The following DLG2 variants were observed in gnomAD, a reference collection of about 807,000 sequenced individuals.
DLG2 encodes disks large homolog 2.
In DLG2, 45 loss-of-function variants were observed where a neutral mutation model predicts 132.5. The observed-to-expected ratio is 0.34, with a 90% CI of 0.27 to 0.44. The LOEUF (loss-of-function observed/expected upper bound fraction) is 0.44. DLG2 is among the 20% of genes least tolerant of loss of function. The pLI, the probability that DLG2 is intolerant of heterozygous loss-of-function variation, is 1.00. For synonymous variants in DLG2, 424 were observed against 419.6 expected, an observed-to-expected ratio of 1.01 and a Z score of -0.13; for missense variants, 1,045 against 1,196.9, an observed-to-expected ratio of 0.87 and a Z score of 1.87.
chr11:85,623,602 A>G (rs2153277070), intron 2 of DLG2, among the ~76,000 whole-genome samples: 1 of 152,182 alleles, frequency 6.6e-6, no homozygotes, highest in East Asian at 1.9e-4. Flanking sequence ...CGCGCCTGGC[A>G]ATAGGACAAT....
At chr11:84,371,096 A>G (rs796936736) in intron 7 of DLG2, among the ~76,000 whole-genome samples, 1 of 152,096 alleles carries the variant, frequency 6.6e-6, no homozygotes, top group Non-Finnish European at 1.5e-5. Flanking sequence ...GATGTGAATA[A>G]TGTTTCTACT....
chr11:85,365,164 G>A (rs375007197), intron 3 of DLG2, among the ~76,000 whole-genome samples: 4 of 152,164 alleles, frequency 2.6e-5, no homozygotes, highest in East Asian at 3.9e-4. Context: ...AACCTAGGAC[G>A]GCATCCCACC....
Position 84,892,602 on chromosome 11 carries a change from T to C in DLG2, c.357+219059A>G, listed in dbSNP as rs577108190. Reference sequence around the variant, plus strand: ...TGTGTTGACATGTGTTTAAATATATTTTATAATAAAAATAACACTGGTGGA... The same window carrying C: ...TGTGTTGACATGTGTTTAAATATATCTTATAATAAAAATAACACTGGTGGA... On this transcript the variant is annotated intron_variant, in intron 6 of 27. Transcript: ENST00000376104. Among the ~76,000 whole-genome samples, 14 of 152,228 alleles carry C rather than the reference T, an allele frequency of 9.2e-5. No individual in the cohort carries two copies. The East Asian group carries it at 2.5e-3, about 27-fold the overall frequency.
At chr11:83,658,458 C>T (rs2073339576) in intron 18 of DLG2, among the ~76,000 whole-genome samples, 1 of 152,212 alleles carries the variant, frequency 6.6e-6, no homozygotes, top group African/African-American at 2.4e-5. Flanking sequence ...CTCTGCTTCA[C>T]AGAATGACAA....
intron 15 of DLG2, among the ~76,000 whole-genome samples, chr11:83,914,244 G>T (rs1049045226): frequency 6.6e-6 from 1 of 152,064 alleles, no homozygotes; most frequent in Non-Finnish European, 1.5e-5. Flanking sequence ...AGATCTGGCT[G>T]TAAAAAACAA....
chr11:83,514,093 G>A lies in DLG2; in HGVS notation c.2193+18615C>T, dbSNP rs540161160. 2.3e-3 allele frequency among the ~76,000 whole-genome samples: 344 copies of A among 152,192 alleles called. 2 individuals carry two copies. Among genetic ancestry groups the A allele is most frequent in the African/African-American group, 7.6e-3 (315 of 41,530 alleles). On this transcript the variant is annotated intron_variant, in intron 21 of 27. Transcript: ENST00000376104. ...AGTCATTGGTAGCTTGATGGGGATG[G>A]CATTGAATCTATAAATTACCTTGGG...
At chr11:83,492,079 T>G (rs1215129174) in intron 21 of DLG2, among the ~76,000 whole-genome samples, 18 of 152,064 alleles carry the variant, frequency 1.2e-4, no homozygotes. Context: ...AAAGATCAGA[T>G]GGCCTGCAAA....
intron 3 of DLG2, among the ~76,000 whole-genome samples, chr11:85,321,724 A>T (rs1443773386): frequency 6.6e-6 from 1 of 152,094 alleles, no homozygotes; most frequent in African/African-American, 2.4e-5. Flanking sequence ...GAAAGGATCA[A>T]CTGTGACAAA....
At chr11:84,437,913 G>A (rs2099005845) in intron 7 of DLG2, 1 of 152,408 alleles carries the variant, frequency 6.6e-6, no homozygotes, top group East Asian at 1.9e-4. Flanking sequence ...TTGACAGTAC[G>A]TGCTGGCGGC....
chr11:84,441,210 G>A (rs1444209507), intron 7 of DLG2, among the ~76,000 whole-genome samples: 2 of 151,726 alleles, frequency 1.3e-5, no homozygotes, highest in South Asian at 2.1e-4. Context: ...GCAGTGTTAC[G>A]ATCATAGCTC....
intron 6 of DLG2, among the ~76,000 whole-genome samples, chr11:84,976,706 A>G (rs1185293817): frequency 6.6e-6 from 1 of 152,146 alleles, no homozygotes; most frequent in Non-Finnish European, 1.5e-5. Flanking sequence ...TGACAAATTT[A>G]TTGAGCTACT....
intron 3 of DLG2, among the ~76,000 whole-genome samples, chr11:85,346,855 T>C (rs991367365): frequency 7.9e-5 from 12 of 151,912 alleles, no homozygotes; most frequent in Non-Finnish European, 1.5e-5. Flanking sequence ...AGGCGGGAAG[T>C]AGTCAATGAA....
chr11:85,052,779 A>G (rs2063027084), intron 6 of DLG2, among the ~76,000 whole-genome samples: 1 of 152,162 alleles, frequency 6.6e-6, no homozygotes, highest in Non-Finnish European at 1.5e-5. Context: ...AAGGTCTAAG[A>G]ATCACAACAT....
chr11:84,337,918 C>A (rs1349010723), intron 7 of DLG2, among the ~76,000 whole-genome samples: 1 of 152,034 alleles, frequency 6.6e-6, no homozygotes, highest in South Asian at 2.1e-4. Context: ...TGAGAGCTGG[C>A]AATTTAACAA....
At chr11:85,122,963 ATATATATTTTTT>A (rs2074554481) in intron 5 of DLG2, among the ~76,000 whole-genome samples, 2 of 55,968 alleles carry the variant, frequency 3.6e-5, no homozygotes, top group African/African-American at 1.3e-4. Flanking sequence ...ATATATATAT[ATATATATTTTTT>A]TTTTTTTTTT....
At chr11:85,018,754 T>C (rs905286811) in intron 6 of DLG2, among the ~76,000 whole-genome samples, 2 of 151,650 alleles carry the variant, frequency 1.3e-5, no homozygotes, top group African/African-American at 4.8e-5. Context: ...GTAATAAACG[T>C]GAATGAAAAA....
intron 7 of DLG2, among the ~76,000 whole-genome samples, chr11:84,500,940 T>G (rs1216387224): frequency 6.6e-6 from 1 of 152,228 alleles, no homozygotes; most frequent in Non-Finnish European, 1.5e-5. Context: ...TCAAGGACCC[T>G]ACAATAATTC....
At chr11:85,097,562 A>G (rs543149532) in intron 6 of DLG2, among the ~76,000 whole-genome samples, 6 of 152,362 alleles carry the variant, frequency 3.9e-5, no homozygotes, top group African/African-American at 1.4e-4. Flanking sequence ...CAAAGGTTGC[A>G]ATGAAAAACT....
intron 8 of DLG2, among the ~76,000 whole-genome samples, chr11:84,204,718 A>G (rs1182461179): frequency 6.6e-6 from 1 of 152,110 alleles, no homozygotes; most frequent in Non-Finnish European, 1.5e-5. Context: ...ATTTTATTTT[A>G]TTTGTTATTA....
Sources: gnomAD v4.1 joint callset for allele counts (sites outside exome capture counted in the v4.1 genomes callset) on GRCh38, gnomAD v4.1.1 for gene constraint, MANE v1.5 for transcripts, NCBI Gene and HGNC (gene_info 2026-07-23, HGNC 2026-07-21) for gene names.